The following RASIP1 variants were observed in gnomAD, a reference collection of about 807,000 sequenced individuals.
The protein encoded by RASIP1 is ras-interacting protein 1.
A neutral mutation model predicts 85.3 loss-of-function variants in RASIP1; 20 were observed. The observed-to-expected ratio is 0.23, with a 90% CI of 0.17 to 0.34. RASIP1 has a LOEUF of 0.34. RASIP1 is among the 10% of genes least tolerant of loss of function. The pLI is 1.00. For synonymous variants in RASIP1, 617 were observed against 647.1 expected (o/e 0.95, Z 0.71); for missense variants, 1,170 against 1,390.9 (o/e 0.84, Z 2.53).
intron 11 of RASIP1, among the ~76,000 whole-genome samples, 190 bp downstream of exon 11, chr19:48,721,664 G>C (rs1191909587): frequency 6.6e-6 from 1 of 152,184 alleles, no homozygotes; most frequent in Non-Finnish European, 1.5e-5. Flanking sequence ...TTAGCCAGGC[G>C]TGGTGGCGCA....
chr19:48,737,935 T>TTTTG lies in RASIP1; in HGVS notation c.823+1021_823+1024dup, dbSNP rs139280532. 435 of 985,308 alleles carry TTTTG rather than the reference T, an allele frequency of 4.4e-4. 2 individuals are homozygous for TTTTG. The African/African-American group carries it at 5.9e-3, about 13-fold the overall frequency. The allele number at this position is 985,308 out of a possible 1,614,324, so 61.0% of individuals were successfully genotyped here. A position where few individuals can be genotyped will look rare whatever the true frequency, so the allele number is the denominator to read the frequency against. ...CTTTTTCTTTTTCTGGAGGACAGTT[T>TTTTG]TTTGTTTGTTTGTTTGTTTGTTTTT... On this transcript the variant is annotated intron_variant, in intron 3 of 11. Coordinates refer to ENST00000222145, the MANE Select transcript of RASIP1 (RefSeq NM_017805.3).
chr19:48,731,596 C>T (rs1036030956), intron 4 of RASIP1, among the ~76,000 whole-genome samples: 1 of 152,164 alleles, frequency 6.6e-6, no homozygotes, highest in Non-Finnish European at 1.5e-5. Context: ...CTCTCATCTC[C>T]ATTCCATAAA....
chr19:48,730,431 G>A (rs1391976487), intron 4 of RASIP1, among the ~76,000 whole-genome samples: 2 of 152,052 alleles, frequency 1.3e-5, no homozygotes, highest in Non-Finnish European at 2.9e-5. Context: ...TAAAGTGCTG[G>A]GATTACAGGT....
At chr19:48,725,215 G>A in intron 8 of RASIP1, 2 of 439,504 alleles carry the variant, frequency 4.6e-6, no homozygotes, top group Non-Finnish European at 4.1e-6. Context: ...AGCTCAAGGA[G>A]GACAAAGGAT....
rs927303929 is a variant in RASIP1, at chr19:48,739,709, G to A, written c.138-64C>T. Reference sequence around the variant, plus strand: ...CCCAGGACGACACGCCAAGACGGGGGTGGGGGCATATTAGGAGGGAAGTGG... The same window carrying A: ...CCCAGGACGACACGCCAAGACGGGGATGGGGGCATATTAGGAGGGAAGTGG... On this transcript the variant is annotated intron_variant, in intron 2 of 11. Coordinates refer to ENST00000222145, the MANE Select transcript of RASIP1 (RefSeq NM_017805.3). This position sits in a 1 kb window ranked among gnomAD's most constrained non-coding sequence, Gnocchi z 9.2. 4 of 1,363,122 alleles carry A rather than the reference G, an allele frequency of 2.9e-6. No homozygotes were observed. Among genetic ancestry groups the A allele is most frequent in the African/African-American group, 1.5e-5 (1 of 65,358 alleles). The allele number at this position is 1,363,122 out of a possible 1,614,324, so 84.4% of individuals were successfully genotyped here. A position where few individuals can be genotyped will look rare whatever the true frequency, so the allele number is the denominator to read the frequency against.
In RASIP1 at chr19:48,735,198, G is replaced by C. The variant is rs2033547588; in HGVS notation, c.1177C>G (p.Gln393Glu). The C allele has an allele frequency of 1.9e-6, 3 of 1,606,444 alleles. No individual in the cohort carries two copies. Among genetic ancestry groups the C allele is most frequent in the African/African-American group, 1.3e-5 (1 of 74,790 alleles). Residue 393 changes from glutamine to glutamate, a missense_variant and splice_region_variant, in exon 4 of 12, where the codon CAG (glutamine) becomes GAG (glutamate). Gln to Glu is a conservative substitution (Grantham distance 29). Around this residue, in one of 4 missense-constraint regions of RASIP1, gnomAD observed 301 missense variants for 294.8 expected, o/e 1.02. Transcript: ENST00000222145. Reference protein sequence around the residue: ...FLLLQGYQDAQDFVVYVMTRE... With the variant: ...FLLLQGYQDAEDFVVYVMTRE... Reference sequence around the variant, plus strand: ...TGCGGGGCTGGGGCGGCGGTTACCTGGGCGTCCTGGTAGCCCTGGAGCAGC... The same window carrying C: ...TGCGGGGCTGGGGCGGCGGTTACCTCGGCGTCCTGGTAGCCCTGGAGCAGC...
chr19:48,729,077 C>G lies in RASIP1; in HGVS notation c.1693G>C (p.Ala565Pro). ...AGGGGCGGCAGGTCTCCCGAGCCGG[C>G]GGCTGCGGCGCGCACGATCTCGCCC... ...LLGEIVRAAAAGSGDLPPLGP... is the reference protein window; with the variant it reads ...LLGEIVRAAAPGSGDLPPLGP... The change falls in exon 5 of 12, where the codon GCC (alanine) becomes CCC (proline). Residue 565 changes from alanine to proline, a missense_variant. Coordinates refer to ENST00000222145, the MANE Select transcript of RASIP1 (RefSeq NM_017805.3). 1 of 1,377,852 alleles carries G rather than the reference C, an allele frequency of 7.3e-7. No individual in the cohort carries two copies. Among genetic ancestry groups the G allele is most frequent in the Non-Finnish European group, 9.3e-7 (1 of 1,075,066 alleles). 85.4% of individuals were successfully genotyped at this position (1,377,852 alleles called of 1,614,324 possible).
chr19:48,724,283 A>AG lies in RASIP1; in HGVS notation c.2544+53dup. ...GTGAGCTGAATATAGAAGGTGGCTGAGGGGGGTTGAGGAGTCAGAGGTCAG... is the reference window on the plus strand; with the variant it reads ...GTGAGCTGAATATAGAAGGTGGCTGAGGGGGGGTTGAGGAGTCAGAGGTCAG... On this transcript the variant is annotated intron_variant, in intron 10 of 11. Transcript: ENST00000222145. This position sits in a 1 kb window ranked among gnomAD's most constrained non-coding sequence, Gnocchi z 4.6. 1 of 1,558,650 alleles carries AG rather than the reference A, an allele frequency of 6.4e-7. No individual in the cohort carries two copies. Among genetic ancestry groups the AG allele is most frequent in the Non-Finnish European group, 8.8e-7 (1 of 1,141,718 alleles).
rs2033265083 is a variant in RASIP1, at chr19:48,722,386, G to A, written c.2545-385C>T. Among the ~76,000 whole-genome samples, 4 of 148,972 alleles carry A rather than the reference G, an allele frequency of 2.7e-5. No individual in the cohort carries two copies. The South Asian group carries it at 8.6e-4, about 32-fold the overall frequency. On this transcript the variant is annotated intron_variant, in intron 10 of 11. Coordinates refer to ENST00000222145, the MANE Select transcript of RASIP1 (RefSeq NM_017805.3). ...GCTGGAGTGCAGTGGCTCGATCGTGGCTTGCTGCAGCCTCAAACTCCCGGC... is the reference window on the plus strand; with the variant it reads ...GCTGGAGTGCAGTGGCTCGATCGTGACTTGCTGCAGCCTCAAACTCCCGGC...
At chr19:48,734,486 C>CT (rs35517837) in intron 4 of RASIP1, among the ~76,000 whole-genome samples, 36,299 of 83,428 alleles carry the variant, frequency 0.44, 6,280 homozygotes, top group Non-Finnish European at 0.54. Flanking sequence ...GCTTTTTTTT[C>CT]TTTCTTTTTT....
chr19:48,737,009 C>G (rs1410882509), intron 3 of RASIP1, among the ~76,000 whole-genome samples: 2 of 152,158 alleles, frequency 1.3e-5, no homozygotes, highest in Non-Finnish European at 2.9e-5. Flanking sequence ...GCACTCCAGC[C>G]TGGGCAACAG....
intron 4 of RASIP1, among the ~76,000 whole-genome samples, chr19:48,734,476 G>GC (rs1383628636): frequency 4.5e-5 from 5 of 112,198 alleles, no homozygotes; most frequent in Non-Finnish European, 7.7e-5. Flanking sequence ...ACCACGCCCG[G>GC]CTTTTTTTTC....
In RASIP1 at chr19:48,739,531, G is replaced by T; in HGVS notation, c.252C>A (p.Ser84Arg). The stretch of plus-strand genomic sequence containing the variant: ...AGAGCTGGGAGATGCGCTTGGCGCG[G>T]CTACCGGAGGCTCCCCCGGCCGCCT... The part of the protein sequence containing the change: ...AVKAAGGASG[S>R]RAKRISQLFR... The change falls in exon 3 of 12, where the codon AGC becomes AGA. Residue 84 changes from serine to arginine, a missense_variant. Physicochemically the swap from Ser to Arg is moderately radical, Grantham distance 110. Around this residue, in one of 4 missense-constraint regions of RASIP1, gnomAD observed 299 missense variants for 394.4 expected, o/e 0.76. Transcript: ENST00000222145. The surrounding 1 kb of genome is among the most constrained non-coding windows in gnomAD (Gnocchi z 9.2). The T allele has an allele frequency of 6.6e-7, 1 of 1,515,664 alleles. No individual in the cohort carries two copies. Among genetic ancestry groups the T allele is most frequent in the South Asian group, 1.2e-5 (1 of 82,002 alleles). 93.9% of individuals were successfully genotyped at this position (1,515,664 alleles called of 1,614,324 possible). A position where few individuals can be genotyped will look rare whatever the true frequency, so the allele number is the denominator to read the frequency against.
At chr19:48,730,958 A>C (rs1025349500) in intron 4 of RASIP1, among the ~76,000 whole-genome samples, 2 of 152,142 alleles carry the variant, frequency 1.3e-5, no homozygotes, top group Admixed American at 6.6e-5. Flanking sequence ...CAGAGGTTGC[A>C]ATGAGCCAAG....
In RASIP1 at chr19:48,724,766, G is replaced by A. The variant is rs201472500; in HGVS notation, c.2322C>T (p.Tyr774=). ...HPDLVSQTFG[Y]LFFFSNASLL... ...GGGATGCGTTGGAGAAGAAGAACAA[G>A]TAGCCAAAAGTCTGAGACACGAGGT... The change falls in exon 9 of 12, where the codon TAC becomes TAT. Residue 774 remains tyrosine, a synonymous_variant. Coordinates refer to ENST00000222145, the MANE Select transcript of RASIP1 (RefSeq NM_017805.3). This position sits in a 1 kb window ranked among gnomAD's most constrained non-coding sequence, Gnocchi z 4.6. The A allele has an allele frequency of 7.2e-5, 116 of 1,614,192 alleles. No individual in the cohort carries two copies. The Admixed American group carries it at 1.5e-3, about 21-fold the overall frequency.
At chr19:48,725,394 C>T (rs373122285) in intron 8 of RASIP1, 1 of 167,270 alleles carries the variant, frequency 6.0e-6, no homozygotes, top group East Asian at 1.8e-4. Context: ...AATAAACGCA[C>T]ACTTGGCAGG....
In RASIP1 at chr19:48,738,978, C is replaced by G. The variant is rs1056335623; in HGVS notation, c.805G>C (p.Gly269Arg). ...CGCTCACCTTCGCTGTCCGCGGCCC[C>G]GAAGGCCTCCTGCTCCAGGCGCCGC... The part of the protein sequence containing the change: ...EARRLEQEAF[G>R]AADSEGTGAP... The change falls in exon 3 of 12, where the codon GGG becomes CGG. Residue 269 changes from glycine (G) to arginine (R), a missense_variant. Transcript: ENST00000222145. This position sits in a 1 kb window ranked among gnomAD's most constrained non-coding sequence, Gnocchi z 4.0. 5.1e-4 allele frequency: 625 copies of G among 1,230,650 alleles called. 2 individuals are homozygous for G. Among genetic ancestry groups the G allele is most frequent in the Non-Finnish European group, 6.1e-4 (600 of 989,482 alleles). 76.2% of individuals were successfully genotyped at this position (1,230,650 alleles called of 1,614,324 possible).
rs1338928667 is a variant in RASIP1 at position 48,737,551 on chromosome 19, C to T, written c.823+1409G>A. ...CTTGGCAGCCAACCCAGCCTAAGGC[C>T]GTCTTATCCAAGGCCGGCCCCTCAG... On this transcript the variant is annotated intron_variant, in intron 3 of 11. Coordinates refer to ENST00000222145, the MANE Select transcript of RASIP1 (RefSeq NM_017805.3). 3 of 985,302 alleles carry T rather than the reference C, an allele frequency of 3.0e-6. No homozygotes were observed. In the African/African-American group the frequency reaches 5.2e-5, roughly 17 times the overall value. The allele number at this position is 985,302 out of a possible 1,614,324, so 61.0% of individuals were successfully genotyped here. A position where few individuals can be genotyped will look rare whatever the true frequency, so the allele number is the denominator to read the frequency against.
At chr19:48,723,559 C>A (rs1253253557) in intron 10 of RASIP1, among the ~76,000 whole-genome samples, 19 of 77,296 alleles carry the variant, frequency 2.5e-4, no homozygotes, top group East Asian at 2.1e-3. Flanking sequence ...GACTCCGTCT[C>A]AAAAAAAAAA....
Sources: gnomAD v4.1 joint callset for allele counts (sites outside exome capture counted in the v4.1 genomes callset) on GRCh38, gnomAD v4.1.1 for gene constraint, gnomAD v4.1.1 regional missense constraint, Gnocchi (gnomAD v3.1) non-coding constraint, MANE v1.5 for transcripts, NCBI Gene and HGNC (gene_info 2026-07-23, HGNC 2026-07-21) for gene names.